TTLL5: variants seen among roughly 807,000 people sequenced by gnomAD.
TTLL5 encodes the protein tubulin polyglutamylase TTLL5.
TTLL5 carries 132 observed loss-of-function variants against 168.4 expected under a neutral mutation model. The observed-to-expected ratio is 0.78, with a 90% CI of 0.68 to 0.91. The LOEUF is 0.91. Ranked by LOEUF, TTLL5 falls within the 40% of genes least tolerant of loss-of-function variation. The probability of loss-of-function intolerance (pLI) is 0.00; values close to 1 mark genes in which losing one functional copy is unlikely to be tolerated. For synonymous variants in TTLL5, 546 were observed against 558.6 expected (o/e 0.98, Z 0.32); for missense variants, 1,545 against 1,581.5 (o/e 0.98, Z 0.39).
intron 9 of TTLL5, chr14:75,709,854 A>AAAG (rs1886939239): frequency 2.6e-5 from 4 of 153,852 alleles, no homozygotes; most frequent in African/African-American, 9.8e-5. Context: ...AAAAAAAAAA[A>AAAG]AGACCAAGAA....
intron 30 of TTLL5, among the ~76,000 whole-genome samples, chr14:75,885,054 G>A (rs3946194): frequency 0.95 from 144,899 of 151,920 alleles, 69,141 homozygotes; most frequent in African/African-American, 0.99. Flanking sequence ...GCACCCGAGT[G>A]GTACCAGCTA....
At chr14:75,708,665 A>C (rs564832295) in intron 9 of TTLL5, among the ~76,000 whole-genome samples, 1 of 152,302 alleles carries the variant, frequency 6.6e-6, no homozygotes, top group African/African-American at 2.4e-5. Context: ...TGTGACTTAC[A>C]AGATTAAGTT....
chr14:75,742,181 C>T (rs1019180925), intron 15 of TTLL5, among the ~76,000 whole-genome samples: 29 of 152,220 alleles, frequency 1.9e-4, no homozygotes, highest in African/African-American at 1.7e-4. Flanking sequence ...AAGTAACATT[C>T]TTTCTGTTCT....
At chr14:75,924,426 TG>T (rs893147414) in intron 31 of TTLL5, among the ~76,000 whole-genome samples, 1 of 151,806 alleles carries the variant, frequency 6.6e-6, no homozygotes, top group Non-Finnish European at 1.5e-5. Context: ...CAGAGGACCC[TG>T]CGGCCTTCCG....
At chr14:75,846,659 G>A (rs543626627) in intron 28 of TTLL5, among the ~76,000 whole-genome samples, 131 of 152,106 alleles carry the variant, frequency 8.6e-4, no homozygotes, top group African/African-American at 3.1e-3. Context: ...GCATGGTGGC[G>A]CGTGCCCGTA....
intron 27 of TTLL5, among the ~76,000 whole-genome samples, chr14:75,802,188 C>A (rs947142594): frequency 2.6e-5 from 4 of 151,944 alleles, no homozygotes; most frequent in African/African-American, 9.7e-5. Context: ...CTTGCCTTAT[C>A]TTTACTAATT....
chr14:75,906,631 T>TA (rs1183193725), intron 31 of TTLL5: 1 of 985,792 alleles, frequency 1.0e-6, no homozygotes, highest in African/African-American at 1.7e-5. Context: ...TTGCTACAGT[T>TA]ATAGGACAGA....
intron 31 of TTLL5, chr14:75,904,271 T>C: frequency 9.0e-7 from 1 of 1,107,764 alleles, no homozygotes; most frequent in Non-Finnish European, 1.1e-6. Context: ...TTTAAGAAAG[T>C]AAACCTTCAC....
intron 31 of TTLL5, among the ~76,000 whole-genome samples, chr14:75,933,433 T>C (rs1037440234): frequency 2.6e-5 from 4 of 152,164 alleles, no homozygotes; most frequent in African/African-American, 9.6e-5. Flanking sequence ...CTGCAGTCCA[T>C]CCTGGCCGAC....
At chr14:75,753,074 A>AG in intron 18 of TTLL5, 119 bp downstream of exon 18, 1 of 935,070 alleles carries the variant, frequency 1.1e-6, no homozygotes, top group South Asian at 1.8e-5. Flanking sequence ...TAGAAAAAAA[A>AG]GTCCTGTAGA....
intron 18 of TTLL5, 100 bp from the exon 19 acceptor site, chr14:75,764,515 T>C: frequency 5.1e-6 from 7 of 1,377,404 alleles, no homozygotes; most frequent in Non-Finnish European, 7.1e-6. Flanking sequence ...TGAGTTACCA[T>C]GTCCAGTATG....
chr14:75,717,177 C>T (rs1327123132), intron 9 of TTLL5, among the ~76,000 whole-genome samples: 2 of 151,882 alleles, frequency 1.3e-5, no homozygotes, highest in African/African-American at 2.4e-5. Flanking sequence ...TGTAGTGGTG[C>T]GATCACAGCT....
At chr14:75,765,267 G>T (rs1231046994) in intron 19 of TTLL5, among the ~76,000 whole-genome samples, 1 of 152,114 alleles carries the variant, frequency 6.6e-6, no homozygotes, top group African/African-American at 2.4e-5. Flanking sequence ...GTCTGTGTCA[G>T]GCAGTGTGTT....
intron 23 of TTLL5, among the ~76,000 whole-genome samples, chr14:75,779,149 C>T (rs1891897836): frequency 6.6e-6 from 1 of 151,990 alleles, no homozygotes; most frequent in African/African-American, 2.4e-5. Context: ...TGGCTGGGGG[C>T]CATAAAAACA....
At chr14:75,924,334 G>A (rs1297529367) in intron 31 of TTLL5, among the ~76,000 whole-genome samples, 6 of 151,624 alleles carry the variant, frequency 4.0e-5, no homozygotes, top group Non-Finnish European at 8.8e-5. Context: ...CTCGCAGAGG[G>A]GGAGTTGGCA....
intron 26 of TTLL5, 31 bp from the exon 27 acceptor site, chr14:75,792,885 A>T: frequency 6.6e-7 from 1 of 1,512,910 alleles, no homozygotes; most frequent in Admixed American, 2.0e-5. Context: ...TTTTTTCCTA[A>T]ATGAGTGAAA....
intron 31 of TTLL5, among the ~76,000 whole-genome samples, chr14:75,945,413 T>C (rs1411655400): frequency 6.6e-6 from 1 of 151,606 alleles, no homozygotes; most frequent in Non-Finnish European, 1.5e-5. Context: ...CGTGCCACCA[T>C]GCTCGGCTGA....
intron 9 of TTLL5, among the ~76,000 whole-genome samples, chr14:75,714,372 C>T (rs1018134924): frequency 6.6e-6 from 1 of 152,040 alleles, no homozygotes; most frequent in Non-Finnish European, 1.5e-5. Flanking sequence ...TGTAAAATTT[C>T]ATTCTTCATC....
At chr14:75,729,446 A>G (rs987092711) in intron 12 of TTLL5, among the ~76,000 whole-genome samples, 5 of 152,300 alleles carry the variant, frequency 3.3e-5, no homozygotes, top group African/African-American at 1.2e-4. Flanking sequence ...AAATACCAAT[A>G]GTAAGTTTAA....
Sources: gnomAD v4.1 joint callset for allele counts (sites outside exome capture counted in the v4.1 genomes callset) on GRCh38, gnomAD v4.1.1 for gene constraint, MANE v1.5 for transcripts, NCBI Gene and HGNC (gene_info 2026-07-23, HGNC 2026-07-21) for gene names.